RNLS: variants seen among roughly 807,000 people sequenced by gnomAD.
RNLS encodes renalase.
A neutral mutation model predicts 39.8 loss-of-function variants in RNLS; 39 were observed. The ratio of observed to expected loss-of-function variants is 0.98; its 90% CI spans 0.76 to 1.28. The LOEUF is 1.28. Among genes scored for constraint, RNLS ranks in the 50% most tolerant of loss-of-function variants. The pLI is 0.00. For missense variants in RNLS, 410 were observed against 413.3 expected (o/e 0.99, Z 0.07); for synonymous variants, 147 against 150.7 (o/e 0.98, Z 0.18).
intron 4 of RNLS, among the ~76,000 whole-genome samples, chr10:88,446,349 A>G (rs1305175734): frequency 6.6e-6 from 1 of 152,258 alleles, no homozygotes; most frequent in Non-Finnish European, 1.5e-5. Context: ...CTAAATGCCC[A>G]CAAGAGAAAG....
chr10:88,314,781 C>G (rs1660296179), intron 5 of RNLS, 140 bp from the exon 6 acceptor site: 2 of 663,470 alleles, frequency 3.0e-6, no homozygotes, highest in Non-Finnish European at 4.7e-6. Context: ...ATCTCTAAAG[C>G]ATAAATTAGG....
At chr10:88,377,798 T>G (rs1851136602) in intron 4 of RNLS, among the ~76,000 whole-genome samples, 1 of 152,172 alleles carries the variant, frequency 6.6e-6, no homozygotes. Flanking sequence ...TACTCTAAAT[T>G]TATTTTAACA....
chr10:88,318,170 A>G (rs1845904627), intron 5 of RNLS, among the ~76,000 whole-genome samples: 1 of 152,166 alleles, frequency 6.6e-6, no homozygotes, highest in Non-Finnish European at 1.5e-5. Context: ...CCACACCACG[A>G]GATTCCCCAC....
intron 5 of RNLS, among the ~76,000 whole-genome samples, chr10:88,333,515 C>G (rs1478076829): frequency 6.6e-6 from 1 of 152,116 alleles, no homozygotes; most frequent in Non-Finnish European, 1.5e-5. Flanking sequence ...TTATATCTTG[C>G]TTTTGTTAAA....
At chr10:88,201,004 T>TTC in the RNLS span, among the ~76,000 whole-genome samples, 7 of 150,002 alleles carry the variant, frequency 4.7e-5, no homozygotes, top group Non-Finnish European at 7.4e-5. Context: ...TTTTTTTTTT[T>TTC]TAACAACTAA....
the RNLS span, among the ~76,000 whole-genome samples, chr10:88,220,993 T>C: frequency 6.6e-6 from 1 of 152,220 alleles, no homozygotes; most frequent in African/African-American, 2.4e-5. Context: ...TAATCCAGGC[T>C]CTTTCCACTC....
chr10:88,329,383 C>A (rs1366390428), intron 5 of RNLS, among the ~76,000 whole-genome samples: 3 of 151,992 alleles, frequency 2.0e-5, no homozygotes, highest in Non-Finnish European at 4.4e-5. Context: ...GCTGTAGGTC[C>A]TTTGCAGTTA....
intron 4 of RNLS, among the ~76,000 whole-genome samples, chr10:88,446,401 A>G (rs1842038705): frequency 6.6e-6 from 1 of 152,228 alleles, no homozygotes; most frequent in South Asian, 2.1e-4. Context: ...CACAATTAAG[A>G]GAACTAGAGA....
chr10:88,312,483 A>G (rs2133040568), intron 6 of RNLS, among the ~76,000 whole-genome samples: 1 of 152,296 alleles, frequency 6.6e-6, no homozygotes, highest in Admixed American at 6.5e-5. Context: ...GTTTCCCACT[A>G]CCAAGTTTTT....
chr10:88,193,472 A>G, the RNLS span, among the ~76,000 whole-genome samples: 2 of 152,146 alleles, frequency 1.3e-5, no homozygotes, highest in South Asian at 4.2e-4. Flanking sequence ...CTCATCTGGG[A>G]CCACTATCCC....
chr10:88,303,469 T>G (rs1283076291), intron 6 of RNLS, among the ~76,000 whole-genome samples: 1 of 152,188 alleles, frequency 6.6e-6, no homozygotes. Context: ...CTATAGCTTC[T>G]GTACTGGTGG....
rs796248871 is a variant in RNLS at position 88,287,484 on chromosome 10, A to G, written c.877-1978T>C. ...TAATTTGTCAGTAAAACACTACAGG[A>G]AGAAGAAAACGGCTAGGATTCTAGA... On this transcript the variant is annotated intron_variant, in intron 6 of 6. Coordinates refer to ENST00000331772, the MANE Select transcript of RNLS (RefSeq NM_001031709.3). Among the ~76,000 whole-genome samples the G allele has an allele frequency of 1.1e-4, 16 of 152,294 alleles. 1 individual carries two copies. The highest frequency in any genetic ancestry group is 3.8e-4 in the African/African-American group (16 of 41,580).
At chr10:88,469,021 T>C (rs1843365487) in intron 4 of RNLS, among the ~76,000 whole-genome samples, 1 of 152,096 alleles carries the variant, frequency 6.6e-6, no homozygotes, top group Non-Finnish European at 1.5e-5. Context: ...GGAAAATAAA[T>C]GTTCATGATA....
At chr10:88,508,071 T>G (rs897420413) in intron 4 of RNLS, among the ~76,000 whole-genome samples, 1 of 152,196 alleles carries the variant, frequency 6.6e-6, no homozygotes, top group Non-Finnish European at 1.5e-5. Flanking sequence ...AAGTAAGCAC[T>G]ATGTTGAAAG....
intron 3 of RNLS, among the ~76,000 whole-genome samples, chr10:88,575,147 TATATATATATATACACAC>T (rs1246917143): frequency 1.1e-4 from 4 of 35,036 alleles, no homozygotes; most frequent in South Asian, 8.1e-4. Context: ...TATATATATA[TATATATATATATACACAC>T]ACACACACAC....
intron 5 of RNLS, among the ~76,000 whole-genome samples, chr10:88,341,072 C>A (rs549273123): frequency 0.15 from 17,367 of 114,594 alleles, 1,364 homozygotes; most frequent in East Asian, 0.36. Flanking sequence ...AAAAAAAAAA[C>A]AAAAAACAGC....
rs557741964 is a variant in RNLS at position 88,363,613 on chromosome 10, G to A, written c.527-888C>T. Reference sequence around the variant, plus strand: ...TAGGTCCCTACCCTACTCATTACAAGCACACCAAAGATGAAACTTTAAAGG... The same window carrying A: ...TAGGTCCCTACCCTACTCATTACAAACACACCAAAGATGAAACTTTAAAGG... On this transcript the variant is annotated intron_variant, in intron 4 of 6. Coordinates refer to ENST00000331772, the MANE Select transcript of RNLS (RefSeq NM_001031709.3). Among the ~76,000 whole-genome samples the A allele has an allele frequency of 3.3e-5, 5 of 152,180 alleles. No individual in the cohort carries two copies. In the East Asian group the frequency reaches 9.7e-4, roughly 29 times the overall value.
At chr10:88,235,794 GAGAT>G in the RNLS span, among the ~76,000 whole-genome samples, 71 of 152,008 alleles carry the variant, frequency 4.7e-4, no homozygotes, top group African/African-American at 1.4e-3. Context: ...TAGACAGAGA[GAGAT>G]AGAGAGGTTT....
chr10:88,391,798 C>T (rs1221206137), intron 4 of RNLS, among the ~76,000 whole-genome samples: 1 of 152,132 alleles, frequency 6.6e-6, no homozygotes, highest in Non-Finnish European at 1.5e-5. Flanking sequence ...ATCAGGTAAG[C>T]TTTTATTTAA....
Sources: allele counts gnomAD v4.1 joint callset (sites outside exome capture counted in the v4.1 genomes callset), GRCh38; gene constraint gnomAD v4.1.1; transcripts MANE v1.5; gene names NCBI Gene and HGNC (gene_info 2026-07-23, HGNC 2026-07-21).